ANO2: variants seen among roughly 807,000 people sequenced by gnomAD.
The protein encoded by ANO2 is anoctamin-2.
Under a neutral mutation model 124.2 loss-of-function variants are expected in ANO2, and 101 were observed. The observed-to-expected ratio is 0.81, with a 90% CI of 0.69 to 0.96. ANO2 has a LOEUF of 0.96. Ranked by LOEUF, ANO2 falls within the 40% of genes least tolerant of loss-of-function variation. The pLI, the probability that ANO2 is intolerant of heterozygous loss-of-function variation, is 0.00. For synonymous variants in ANO2, 486 were observed against 482.5 expected (o/e 1.01, Z -0.09); for missense variants, 1,293 against 1,274.5 (o/e 1.01, Z -0.22).
chr12:5,939,213 C>CAACA (rs750334809), intron 1 of ANO2, among the ~76,000 whole-genome samples: 8 of 86,182 alleles, frequency 9.3e-5, no homozygotes, highest in South Asian at 5.2e-4. Flanking sequence ...AAGACTCCAA[C>CAACA]AAAAAAAAAA....
At chr12:5,685,604 C>T (rs527916236) in intron 14 of ANO2, among the ~76,000 whole-genome samples, 11 of 152,164 alleles carry the variant, frequency 7.2e-5, no homozygotes, top group South Asian at 2.1e-4. Context: ...GGCAACATGG[C>T]GAAATGCTGC....
At chr12:5,782,683 T>A (rs1167065312) in intron 10 of ANO2, among the ~76,000 whole-genome samples, 8 of 152,124 alleles carry the variant, frequency 5.3e-5, no homozygotes, top group Non-Finnish European at 1.2e-4. Flanking sequence ...GTTTTTCGGG[T>A]GATTCTGGTG....
At chr12:5,610,726 A>ATATACATATATATATATATATATATATG (rs1191705379) in intron 19 of ANO2, among the ~76,000 whole-genome samples, 19 of 130,184 alleles carry the variant, frequency 1.5e-4, no homozygotes, top group African/African-American at 5.3e-4. Flanking sequence ...ATATATACAT[A>ATATACATATATATATATATATATATATG]TATATATATA....
chr12:5,826,902 A>G (rs1953973820), intron 7 of ANO2, among the ~76,000 whole-genome samples: 1 of 152,280 alleles, frequency 6.6e-6, no homozygotes, highest in East Asian at 1.9e-4. Context: ...TTCAACCTAA[A>G]GCTGCCTCAA....
At chr12:5,905,657 CCCA>C (rs1263146924) in intron 3 of ANO2, among the ~76,000 whole-genome samples, 6 of 152,138 alleles carry the variant, frequency 3.9e-5, no homozygotes, top group Admixed American at 2.0e-4. Context: ...TTCTGAAGAG[CCCA>C]TGACAAATCC....
chr12:5,615,236 C>G lies in ANO2; in HGVS notation c.1878G>C (p.Lys626Asn), dbSNP rs2136909778. 6.2e-7 allele frequency: 1 copy of G among 1,613,786 alleles called. No individual in the cohort carries two copies. The highest frequency in any genetic ancestry group is 8.5e-7 in the Non-Finnish European group (1 of 1,179,800). Reference protein sequence around the residue: ...ERLILKAFLLKFVNAYSPIFY... With the variant: ...ERLILKAFLLNFVNAYSPIFY... ...AGATGGGGGAGTAGGCATTGACAAA[C>G]TTGAGCAAGAAAGCTTTGAGGATCA... Residue 626 changes from lysine (K) to asparagine (N), a missense_variant, in exon 17 of 25, where the codon AAG becomes AAC. By Grantham distance (94) the Lys-to-Asn change is moderately conservative. Coordinates refer to ENST00000682330, the MANE Select transcript of ANO2 (RefSeq NM_001364791.2).
chr12:5,891,563 A>G (rs1939404509), intron 3 of ANO2, among the ~76,000 whole-genome samples: 1 of 152,196 alleles, frequency 6.6e-6, no homozygotes, highest in African/African-American at 2.4e-5. Context: ...AAATGCCCCC[A>G]TAAGCTGTTC....
intron 14 of ANO2, among the ~76,000 whole-genome samples, chr12:5,718,137 C>A (rs769824436): frequency 1.3e-5 from 2 of 152,194 alleles, no homozygotes; most frequent in Admixed American, 6.5e-5. Flanking sequence ...GGCAATAGCT[C>A]GAGAGGGAAA....
intron 13 of ANO2, among the ~76,000 whole-genome samples, chr12:5,738,645 T>C (rs16933834): frequency 0.12 from 18,498 of 152,168 alleles, 1,209 homozygotes; most frequent in Middle Eastern, 0.2. Flanking sequence ...GCAGGAATTA[T>C]GGTGGGAATA....
At chr12:5,644,893 C>T (rs1946551856) in intron 15 of ANO2, among the ~76,000 whole-genome samples, 1 of 152,182 alleles carries the variant, frequency 6.6e-6, no homozygotes, top group Non-Finnish European at 1.5e-5. Context: ...TCATTGTATT[C>T]TGACTTCCAA....
At chr12:5,669,619 T>G (rs570381088) in intron 14 of ANO2, among the ~76,000 whole-genome samples, 2 of 152,340 alleles carry the variant, frequency 1.3e-5, no homozygotes, top group African/African-American at 4.8e-5. Context: ...GTGTTGGTTT[T>G]CAAGGGGAAT....
intron 20 of ANO2, among the ~76,000 whole-genome samples, chr12:5,591,136 C>T (rs781353542): frequency 1.3e-5 from 2 of 152,144 alleles, no homozygotes; most frequent in African/African-American, 4.8e-5. Context: ...GCCAAGATTG[C>T]GCCACTGCAC....
At position 5,635,877 on chromosome 12, in the gene ANO2, G is replaced by A. The variant is rs919949454; in HGVS notation, c.1621-530C>T. On this transcript the variant is annotated intron_variant, in intron 15 of 24. Transcript: ENST00000682330. This position sits in a 1 kb window ranked among gnomAD's most constrained non-coding sequence, Gnocchi z 5.2. Reference sequence around the variant, plus strand: ...TGTGGAGACAGTGGGATTTAAAATGGAGTTTTCATGAGAAGAAATAGAAAG... The same window carrying A: ...TGTGGAGACAGTGGGATTTAAAATGAAGTTTTCATGAGAAGAAATAGAAAG... Among the ~76,000 whole-genome samples the A allele has an allele frequency of 6.6e-6, 1 of 152,172 alleles. No individual in the cohort carries two copies. Among genetic ancestry groups the A allele is most frequent in the Non-Finnish European group, 1.5e-5 (1 of 68,032 alleles).
intron 14 of ANO2, 118 bp downstream of exon 14, chr12:5,732,402 C>T (rs919194730): frequency 3.9e-6 from 3 of 760,614 alleles, no homozygotes; most frequent in African/African-American, 3.5e-5. Flanking sequence ...TCATCTCATC[C>T]TGCCCCACAT....
chr12:5,790,970 G>T (rs1952678712), intron 10 of ANO2, among the ~76,000 whole-genome samples: 1 of 152,062 alleles, frequency 6.6e-6, no homozygotes. Flanking sequence ...TCATAGTGAG[G>T]GCCCCCTGCT....
intron 2 of ANO2, among the ~76,000 whole-genome samples, chr12:5,922,242 C>T (rs191746003): frequency 2.6e-4 from 40 of 152,328 alleles, no homozygotes; most frequent in African/African-American, 9.4e-4. Context: ...AACCCAGCTG[C>T]CTCTGCAGCC....
chr12:5,809,604 G>GGA (rs1475851468), intron 7 of ANO2, among the ~76,000 whole-genome samples: 6 of 152,192 alleles, frequency 3.9e-5, no homozygotes, highest in Non-Finnish European at 8.8e-5. Context: ...CCGACAACCT[G>GGA]AACTCCTGGT....
At chr12:5,793,064 A>C (rs1055463623) in intron 10 of ANO2, among the ~76,000 whole-genome samples, 4 of 152,204 alleles carry the variant, frequency 2.6e-5, no homozygotes, top group African/African-American at 9.6e-5. Flanking sequence ...TGTGGGAAAG[A>C]AAGCTTAGGT....
At chr12:5,626,606 C>CGTAG (rs1335471117) in intron 16 of ANO2, among the ~76,000 whole-genome samples, 2 of 152,286 alleles carry the variant, frequency 1.3e-5, no homozygotes, top group African/African-American at 2.4e-5. Context: ...GACCCCTCTA[C>CGTAG]CACTGAGGAT....
Sources: allele counts gnomAD v4.1 joint callset (sites outside exome capture counted in the v4.1 genomes callset), GRCh38; gene constraint gnomAD v4.1.1; non-coding constraint Gnocchi (gnomAD v3.1); transcripts MANE v1.5; gene names NCBI Gene and HGNC (gene_info 2026-07-23, HGNC 2026-07-21).